AKAP6: variants seen among roughly 807,000 people sequenced by gnomAD.
The protein encoded by AKAP6 is A-kinase anchor protein 6.
Under a neutral mutation model 188.5 loss-of-function variants are expected in AKAP6, and 58 were observed. The observed-to-expected ratio is 0.31, with a 90% CI of 0.25 to 0.38. AKAP6 has a LOEUF of 0.38. AKAP6 is among the 10% of genes least tolerant of loss of function. The pLI is 1.00. For synonymous variants in AKAP6, 989 were observed against 998.6 expected, an observed-to-expected ratio of 0.99 and a Z score of 0.18; for missense variants, 2,710 against 2,740.0, an observed-to-expected ratio of 0.99 and a Z score of 0.24.
intron 12 of AKAP6, among the ~76,000 whole-genome samples, chr14:32,800,086 T>TAC (rs2033895779): frequency 6.9e-6 from 1 of 144,564 alleles, no homozygotes; most frequent in African/African-American, 2.5e-5. Context: ...TATATATATA[T>TAC]ACAAAATATA....
intron 1 of AKAP6, among the ~76,000 whole-genome samples, chr14:32,343,420 C>G (rs10150670): frequency 0.23 from 34,690 of 151,668 alleles, 4,564 homozygotes; most frequent in East Asian, 0.39. Context: ...AGACCTGTGG[C>G]ATATCGGTGG....
At position 32,770,236 on chromosome 14, in the gene AKAP6, A is replaced by G. The variant is rs370863752; in HGVS notation, c.3373-3442A>G. On this transcript the variant is annotated intron_variant, in intron 11 of 13. Transcript: ENST00000280979. ...TACCTTATAATGTGGATCGGAGATCATTATAAAGGGGGAAAAAAGACAGAT... is the reference window on the plus strand; with the variant it reads ...TACCTTATAATGTGGATCGGAGATCGTTATAAAGGGGGAAAAAAGACAGAT... Among the ~76,000 whole-genome samples the G allele has an allele frequency of 7.2e-5, 11 of 152,334 alleles. No homozygotes were observed. In the East Asian group the frequency reaches 1.3e-3, roughly 19 times the overall value.
intron 9 of AKAP6, among the ~76,000 whole-genome samples, chr14:32,708,983 G>A (rs889307368): frequency 6.6e-6 from 1 of 152,034 alleles, no homozygotes; most frequent in Admixed American, 6.6e-5. Context: ...AAATCCTCAT[G>A]TTAACTTAAG....
chr14:32,597,479 A>G (rs906548714), intron 5 of AKAP6, among the ~76,000 whole-genome samples: 1 of 152,196 alleles, frequency 6.6e-6, no homozygotes, highest in Admixed American at 6.6e-5. Context: ...AGAGTTGAGG[A>G]TGTCCGTGGC....
chr14:32,449,476 A>G (rs1015430402), intron 2 of AKAP6, among the ~76,000 whole-genome samples: 8 of 149,246 alleles, frequency 5.4e-5, no homozygotes, highest in Non-Finnish European at 1.2e-4. Context: ...GAGCCAAGAT[A>G]GTGCCACTGC....
At chr14:32,708,127 T>C (rs1890890424) in intron 9 of AKAP6, among the ~76,000 whole-genome samples, 1 of 152,088 alleles carries the variant, frequency 6.6e-6, no homozygotes, top group South Asian at 2.1e-4. Flanking sequence ...GCTGTGCAAA[T>C]GTGAAACCTA....
At chr14:32,406,222 T>C (rs1392811129) in intron 1 of AKAP6, among the ~76,000 whole-genome samples, 2 of 152,202 alleles carry the variant, frequency 1.3e-5, no homozygotes, top group East Asian at 3.9e-4. Context: ...TTTGTTTGTT[T>C]TGAGACAGAG....
At chr14:32,517,913 C>G (rs777254029) in intron 2 of AKAP6, among the ~76,000 whole-genome samples, 1 of 152,232 alleles carries the variant, frequency 6.6e-6, no homozygotes, top group Non-Finnish European at 1.5e-5. Context: ...GGGTCCCTGA[C>G]GCCCGAGTAG....
intron 1 of AKAP6, among the ~76,000 whole-genome samples, chr14:32,410,419 T>G (rs1184403520): frequency 6.6e-6 from 1 of 152,166 alleles, no homozygotes; most frequent in Non-Finnish European, 1.5e-5. Flanking sequence ...CTTTGAGTTG[T>G]CCTGCCTTTC....
At chr14:32,752,688 C>CA (rs1376564826) in intron 11 of AKAP6, among the ~76,000 whole-genome samples, 1 of 152,158 alleles carries the variant, frequency 6.6e-6, no homozygotes, top group Non-Finnish European at 1.5e-5. Flanking sequence ...CTGTCACCCC[C>CA]ATCCCCTAGC....
intron 2 of AKAP6, among the ~76,000 whole-genome samples, chr14:32,436,901 G>C (rs2145593): frequency 0.14 from 21,554 of 152,134 alleles, 3,432 homozygotes; most frequent in African/African-American, 0.39. Context: ...ACTACATCCT[G>C]GGTGACAAAG....
intron 11 of AKAP6, among the ~76,000 whole-genome samples, chr14:32,754,042 T>G (rs1465984313): frequency 1.3e-5 from 2 of 152,086 alleles, no homozygotes; most frequent in Non-Finnish European, 2.9e-5. Context: ...TATAATTATT[T>G]TTTCTATTTC....
chr14:32,422,116 A>G (rs1455696529), intron 1 of AKAP6, among the ~76,000 whole-genome samples: 1 of 152,150 alleles, frequency 6.6e-6, no homozygotes, highest in African/African-American at 2.4e-5. Flanking sequence ...CTGATTTTTA[A>G]ACATTTTTAA....
chr14:32,341,321 T>A (rs1023329428), intron 1 of AKAP6, among the ~76,000 whole-genome samples: 56 of 152,346 alleles, frequency 3.7e-4, no homozygotes, highest in Non-Finnish European at 1.2e-4. Context: ...GACATTCACA[T>A]AAAATATAAG....
At chr14:32,737,246 G>A (rs1341065675) in intron 11 of AKAP6, among the ~76,000 whole-genome samples, 1 of 151,922 alleles carries the variant, frequency 6.6e-6, no homozygotes, top group Non-Finnish European at 1.5e-5. Context: ...TAGCATAATG[G>A]CACCTTTTTA....
intron 8 of AKAP6, among the ~76,000 whole-genome samples, chr14:32,683,097 G>T (rs540936299): frequency 1.3e-5 from 2 of 151,434 alleles, no homozygotes; most frequent in Non-Finnish European, 2.9e-5. Context: ...GGGTTCAAGC[G>T]ATTCTTGTCC....
chr14:32,592,740 C>T (rs1453385531), intron 5 of AKAP6, among the ~76,000 whole-genome samples: 2 of 152,090 alleles, frequency 1.3e-5, no homozygotes, highest in East Asian at 1.9e-4. Flanking sequence ...GTATGCCAGG[C>T]TCCATTCTGC....
chr14:32,529,123 C>T (rs974528721), intron 2 of AKAP6, among the ~76,000 whole-genome samples: 2 of 152,148 alleles, frequency 1.3e-5, no homozygotes, highest in Non-Finnish European at 2.9e-5. Context: ...AATACCACTG[C>T]ATGTATTTAC....
At chr14:32,754,926 TTC>T (rs527301762) in intron 11 of AKAP6, among the ~76,000 whole-genome samples, 27 of 152,250 alleles carry the variant, frequency 1.8e-4, no homozygotes, top group Non-Finnish European at 3.1e-4. Flanking sequence ...GCTTTCAATA[TTC>T]TCTCTTTGTC....
Sources: gnomAD v4.1 joint callset for allele counts (sites outside exome capture counted in the v4.1 genomes callset) on GRCh38, gnomAD v4.1.1 for gene constraint, MANE v1.5 for transcripts, NCBI Gene and HGNC (gene_info 2026-07-23, HGNC 2026-07-21) for gene names.